DLG5: variants seen among roughly 807,000 people sequenced by gnomAD.
DLG5 encodes the protein disks large homolog 5.
In DLG5, 48 loss-of-function variants were observed where a neutral mutation model predicts 189.8. The ratio of observed to expected loss-of-function variants is 0.25; its 90% CI spans 0.20 to 0.32. The LOEUF is 0.32. DLG5 is among the 10% of genes least tolerant of loss of function. The pLI, the probability that DLG5 is intolerant of heterozygous loss-of-function variation, is 1.00. For missense variants in DLG5, 2,160 were observed against 2,544.7 expected, an observed-to-expected ratio of 0.85 and a Z score of 3.25; for synonymous variants, 1,016 against 1,054.1, an observed-to-expected ratio of 0.96 and a Z score of 0.70.
intron 1 of DLG5, among the ~76,000 whole-genome samples, chr10:77,882,037 C>T (rs1426551493): frequency 2.0e-5 from 3 of 152,252 alleles, no homozygotes; most frequent in African/African-American, 7.2e-5. Flanking sequence ...TCGTGGGCTG[C>T]ATTGAGAATC....
At chr10:77,803,343 A>G (rs1376770696) in intron 27 of DLG5, among the ~76,000 whole-genome samples, 2 of 152,226 alleles carry the variant, frequency 1.3e-5, no homozygotes, top group Non-Finnish European at 2.9e-5. Flanking sequence ...CTGTAAATGA[A>G]TGTGTGCATT....
rs775331389 is a variant in DLG5, at chr10:77,821,298, G to A, written c.3186C>T (p.His1062=). The A allele has an allele frequency of 1.2e-5, 20 of 1,613,588 alleles. No individual in the cohort carries two copies. The highest frequency in any genetic ancestry group is 3.3e-5 in the Admixed American group (2 of 60,028). The change falls in exon 15 of 32, where the codon CAC becomes CAT. Residue 1062 remains histidine, a synonymous_variant. Transcript: ENST00000372391. ...CCCTGGCCTTGCGAGGGGGTGATGCGTGCATGGGCTCCCCGGGGTCCACGT... is the reference window on the plus strand; with the variant it reads ...CCCTGGCCTTGCGAGGGGGTGATGCATGCATGGGCTCCCCGGGGTCCACGT... The part of the protein sequence containing the change: ...PPDVDPGEPM[H]ASPPRKARVR...
At chr10:77,825,373 A>C (rs61088032) in intron 13 of DLG5, among the ~76,000 whole-genome samples, 1 of 55,946 alleles carries the variant, frequency 1.8e-5, no homozygotes, top group Non-Finnish European at 3.5e-5. Flanking sequence ...ACCACACACA[A>C]CCACACACAC....
chr10:77,872,654 T>C (rs141244470), intron 1 of DLG5, among the ~76,000 whole-genome samples: 4 of 152,320 alleles, frequency 2.6e-5, no homozygotes, highest in African/African-American at 9.6e-5. Flanking sequence ...GCGGTTATTG[T>C]TGTCCTAAAG....
At chr10:77,915,743 C>T (rs1470881660) in intron 1 of DLG5, among the ~76,000 whole-genome samples, 1 of 152,202 alleles carries the variant, frequency 6.6e-6, no homozygotes, top group Non-Finnish European at 1.5e-5. Context: ...TCTCAATAGC[C>T]TTGTTATCCC....
At chr10:77,823,055 G>A (rs940156984) in intron 14 of DLG5, among the ~76,000 whole-genome samples, 1 of 152,208 alleles carries the variant, frequency 6.6e-6, no homozygotes, top group Non-Finnish European at 1.5e-5. Context: ...TGTAAACTAT[G>A]CATTATAGTT....
At chr10:77,913,481 T>C (rs1415231739) in intron 1 of DLG5, among the ~76,000 whole-genome samples, 1 of 152,212 alleles carries the variant, frequency 6.6e-6, no homozygotes, top group East Asian at 1.9e-4. Context: ...TAGAGACACA[T>C]CTTTAAGTAT....
chr10:77,892,022 C>T (rs888049979), intron 1 of DLG5, among the ~76,000 whole-genome samples: 1 of 152,246 alleles, frequency 6.6e-6, no homozygotes, highest in African/African-American at 2.4e-5. Context: ...GCACCCTGCC[C>T]TCATCATCTG....
intron 13 of DLG5, among the ~76,000 whole-genome samples, chr10:77,825,994 A>C (rs1449675155): frequency 6.6e-6 from 1 of 152,336 alleles, no homozygotes; most frequent in South Asian, 2.1e-4. Context: ...CTGGCTCCCC[A>C]AAAAATCTGA....
intron 1 of DLG5, among the ~76,000 whole-genome samples, chr10:77,897,672 G>A (rs1480287570): frequency 7.0e-6 from 1 of 142,596 alleles, no homozygotes; most frequent in Non-Finnish European, 1.5e-5. Flanking sequence ...AAGAGAGAAA[G>A]AGAAAGAGAA....
intron 14 of DLG5, 143 bp downstream of exon 14, chr10:77,824,241 C>T: frequency 3.3e-6 from 2 of 611,334 alleles, no homozygotes; most frequent in South Asian, 2.1e-5. Flanking sequence ...AGCGTCCAGT[C>T]AGGGTTCCTG....
chr10:77,828,486 CAA>C (rs34839290), intron 13 of DLG5, among the ~76,000 whole-genome samples: 3 of 66,462 alleles, frequency 4.5e-5, no homozygotes, highest in Admixed American at 2.0e-4. Flanking sequence ...GACTCCATAT[CAA>C]AAAAAAAAAA....
intron 16 of DLG5, 193 bp downstream of exon 16, chr10:77,819,702 C>A: frequency 1.8e-6 from 2 of 1,101,922 alleles, no homozygotes; most frequent in South Asian, 1.6e-5. Context: ...GGGGAGAAAG[C>A]ATGTTGACAA....
the DLG5 span, among the ~76,000 whole-genome samples, chr10:77,937,715 C>CT: frequency 0.036 from 3,693 of 101,234 alleles, 214 homozygotes; most frequent in African/African-American, 0.12. Flanking sequence ...ACATTTTATA[C>CT]TTTTTTTTTT....
At chr10:77,857,698 A>G (rs1844302594) in intron 2 of DLG5, among the ~76,000 whole-genome samples, 1 of 152,230 alleles carries the variant, frequency 6.6e-6, no homozygotes, top group South Asian at 2.1e-4. Context: ...ATCTCTAGGA[A>G]GAAAGCACCT....
chr10:77,822,221 A>G, intron 14 of DLG5, 120 bp from the exon 15 acceptor site: 1 of 1,123,706 alleles, frequency 8.9e-7, no homozygotes, highest in African/African-American at 1.6e-5. Context: ...CCCCTTAAAA[A>G]AGAGACAGAT....
chr10:77,916,532 T>TCC, intron 1 of DLG5, among the ~76,000 whole-genome samples: 1 of 151,928 alleles, frequency 6.6e-6, no homozygotes, highest in Non-Finnish European at 1.5e-5. Context: ...CCTCAGATGA[T>TCC]CCACCCGCCT....
chr10:77,801,885 C>A (rs1260698718), intron 27 of DLG5, among the ~76,000 whole-genome samples: 1 of 152,162 alleles, frequency 6.6e-6, no homozygotes, highest in Non-Finnish European at 1.5e-5. Flanking sequence ...CAGTTAAAGG[C>A]CTTGGGAGGA....
chr10:77,924,981 G>A (rs574619131), intron 1 of DLG5, among the ~76,000 whole-genome samples: 12 of 152,214 alleles, frequency 7.9e-5, no homozygotes, highest in Non-Finnish European at 1.6e-4. Flanking sequence ...ATCAGCCTTT[G>A]ACCTTCAGGT....
Sources: allele counts gnomAD v4.1 joint callset (sites outside exome capture counted in the v4.1 genomes callset), GRCh38; gene constraint gnomAD v4.1.1; transcripts MANE v1.5; gene names NCBI Gene and HGNC (gene_info 2026-07-23, HGNC 2026-07-21).